Variants in MYO16 observed in about 807,000 individuals in gnomAD.
MYO16 encodes myosin XVI, also known as unconventional myosin-XVI.
MYO16 carries 94 observed loss-of-function variants against 205.3 expected under a neutral mutation model. The ratio of observed to expected loss-of-function variants is 0.46; its 90% confidence interval spans 0.39 to 0.54. The LOEUF (loss-of-function observed/expected upper bound fraction) is 0.54, where lower values mean the gene tolerates loss of function less well. Ranked by LOEUF, MYO16 falls within the 20% of genes least tolerant of loss-of-function variation. MYO16 has a pLI of 0.00. For missense variants in MYO16, 2,315 were observed against 2,387.5 expected, an observed-to-expected ratio of 0.97 and a Z score of 0.63; for synonymous variants, 988 against 954.0, an observed-to-expected ratio of 1.04 and a Z score of -0.66.
chr13:109,050,534 C>T (rs1887212386), intron 24 of MYO16, among the ~76,000 whole-genome samples: 1 of 152,144 alleles, frequency 6.6e-6, no homozygotes, highest in South Asian at 2.1e-4. Context: ...TGAGAAAGTA[C>T]TTTGAAACTA....
At position 109,140,170 on chromosome 13, in the gene MYO16, CG is replaced by C. The variant is rs1876972952; in HGVS notation, c.4052-90del. On this transcript the variant is annotated intron_variant, in intron 31 of 34. Transcript: ENST00000457511. This position sits in a 1 kb window ranked among gnomAD's most constrained non-coding sequence, Gnocchi z 8.0. The stretch of plus-strand genomic sequence containing the variant: ...CCGGTCCCTTGGGATTCTCGGGGCA[CG>C]GGGCCGTGGCTCCCTCCGAGTCGAG... 2 of 1,526,532 alleles carry C rather than the reference CG, an allele frequency of 1.3e-6. No individual in the cohort carries two copies. Among genetic ancestry groups the C allele is most frequent in the Admixed American group, 4.0e-5 (2 of 49,996 alleles). The allele number at this position is 1,526,532 out of a possible 1,614,324, so 94.6% of individuals were successfully genotyped here.
rs540534425 is a variant in MYO16, at chr13:108,820,777, C to T, written c.943+365C>T. Among the ~76,000 whole-genome samples, 509 of 152,114 alleles carry T rather than the reference C, an allele frequency of 3.3e-3. 4 individuals carry two copies. Among genetic ancestry groups the T allele is most frequent in the Non-Finnish European group, 3.6e-3 (244 of 67,986 alleles). On this transcript the variant is annotated intron_variant, in intron 8 of 34. Coordinates refer to ENST00000457511, the MANE Select transcript of MYO16 (RefSeq NM_001198950.3). ...TCATCCTACCAAATACATGCTTATC[C>T]GTTAAGGTATTTTTGAAAAATAATA...
intron 32 of MYO16, among the ~76,000 whole-genome samples, chr13:109,157,019 G>T (rs1279801492): frequency 6.6e-6 from 1 of 152,052 alleles, no homozygotes; most frequent in Admixed American, 6.6e-5. Flanking sequence ...TACAACCCCA[G>T]ATGCACCCTG....
chr13:108,727,334 A>C (rs546458452), intron 3 of MYO16, 106 bp from the exon 4 acceptor site: 1 of 1,222,402 alleles, frequency 8.2e-7, no homozygotes, highest in East Asian at 2.4e-5. Context: ...TCACCTCTCA[A>C]CTCCCAAAAT....
At chr13:108,750,060 G>A (rs1885181304) in intron 4 of MYO16, among the ~76,000 whole-genome samples, 1 of 125,352 alleles carries the variant, frequency 8.0e-6, no homozygotes, top group Non-Finnish European at 1.8e-5. Flanking sequence ...AAAAGCTATA[G>A]AGAGAATAAA....
At chr13:109,040,383 CACAGAG>C (rs1289389674) in intron 23 of MYO16, among the ~76,000 whole-genome samples, 8 of 70,058 alleles carry the variant, frequency 1.1e-4, no homozygotes, top group African/African-American at 1.0e-4. Context: ...CACACACACA[CACAGAG>C]AGAGAGAGAG....
intron 4 of MYO16, among the ~76,000 whole-genome samples, chr13:108,784,750 C>A (rs969270056): frequency 1.3e-5 from 2 of 152,118 alleles, no homozygotes; most frequent in Admixed American, 1.3e-4. Flanking sequence ...CTTTGTCTGG[C>A]CTGAGTTTAA....
At chr13:109,136,278 G>A (rs955688688) in intron 31 of MYO16, among the ~76,000 whole-genome samples, 6 of 151,988 alleles carry the variant, frequency 3.9e-5, no homozygotes, top group Admixed American at 6.6e-5. Flanking sequence ...ATTTTTAGTA[G>A]AGACAGTTTT....
At chr13:108,808,995 T>C (rs1296337434) in intron 7 of MYO16, among the ~76,000 whole-genome samples, 2 of 152,174 alleles carry the variant, frequency 1.3e-5, no homozygotes, top group African/African-American at 4.8e-5. Flanking sequence ...TTACCTGCCT[T>C]TACCTGTCAC....
intron 32 of MYO16, among the ~76,000 whole-genome samples, chr13:109,152,673 G>C (rs545178533): frequency 6.6e-6 from 1 of 152,058 alleles, no homozygotes; most frequent in South Asian, 2.1e-4. Flanking sequence ...GCATGTCTTC[G>C]GAACCCTCTG....
the MYO16 span, among the ~76,000 whole-genome samples, chr13:108,545,927 C>A: frequency 2.6e-5 from 4 of 152,196 alleles, no homozygotes; most frequent in Non-Finnish European, 4.4e-5. Context: ...TCTGTGAGGA[C>A]CACATTTGAA....
chr13:109,146,398 G>A (rs1403078714), intron 32 of MYO16, among the ~76,000 whole-genome samples: 2 of 152,094 alleles, frequency 1.3e-5, no homozygotes, highest in African/African-American at 4.8e-5. Flanking sequence ...ATAAAGAATA[G>A]ATTAATGAAC....
At chr13:108,582,984 A>G in the MYO16 span, among the ~76,000 whole-genome samples, 3 of 152,220 alleles carry the variant, frequency 2.0e-5, no homozygotes, top group Non-Finnish European at 4.4e-5. Context: ...ATTCAACTTT[A>G]GCATTGATAT....
intron 15 of MYO16, among the ~76,000 whole-genome samples, chr13:108,908,896 C>T (rs1005949069): frequency 3.6e-4 from 54 of 151,102 alleles, no homozygotes; most frequent in African/African-American, 1.2e-3. Context: ...TCACTTGAAC[C>T]GGAGAGGCAG....
intron 4 of MYO16, among the ~76,000 whole-genome samples, chr13:108,728,049 T>C (rs1207176955): frequency 6.6e-6 from 1 of 152,214 alleles, no homozygotes; most frequent in Non-Finnish European, 1.5e-5. Flanking sequence ...TTTGTTGTTT[T>C]GGTTGTTATT....
Position 108,691,467 on chromosome 13 carries a change from AAG to A in MYO16, c.293-21191_293-21190del, listed in dbSNP as rs553426170. On this transcript the variant is annotated intron_variant, in intron 2 of 34. Transcript: ENST00000457511. ...TATTAAGAGGAGAAAGAGAGAGAGA[AAG>A]AGTGAGATATTTGTACTAGAAACAA... Among the ~76,000 whole-genome samples the A allele has an allele frequency of 7.2e-5, 11 of 151,992 alleles. No individual in the cohort carries two copies. The East Asian group carries it at 1.7e-3, about 24-fold the overall frequency.
chr13:109,059,110 C>T lies in MYO16; in HGVS notation c.3335+3515C>T, dbSNP rs1329107766. ...CATCTGCAGTTGCTTTCTCCACTGG[C>T]GTATTGAACCCCTCAAAGTCATTCA... On this transcript the variant is annotated intron_variant, in intron 27 of 34. Transcript: ENST00000457511. 2.6e-5 allele frequency among the ~76,000 whole-genome samples: 4 copies of T among 152,116 alleles called. No homozygotes were observed. In the East Asian group the frequency reaches 5.8e-4, roughly 22 times the overall value.
chr13:108,675,827 C>A (rs1882180168), intron 2 of MYO16, among the ~76,000 whole-genome samples: 1 of 152,178 alleles, frequency 6.6e-6, no homozygotes, highest in Non-Finnish European at 1.5e-5. Flanking sequence ...CATCAAGGAT[C>A]TAACTCTGGA....
At chr13:109,003,914 T>C (rs1448824590) in intron 21 of MYO16, among the ~76,000 whole-genome samples, 2 of 152,170 alleles carry the variant, frequency 1.3e-5, no homozygotes, top group Non-Finnish European at 2.9e-5. Context: ...GTATTAGATA[T>C]GTTAGAGTCA....
Sources: allele counts gnomAD v4.1 joint callset (sites outside exome capture counted in the v4.1 genomes callset), GRCh38; gene constraint gnomAD v4.1.1; non-coding constraint Gnocchi (gnomAD v3.1); transcripts MANE v1.5; gene names NCBI Gene and HGNC (gene_info 2026-07-23, HGNC 2026-07-21).